The following RADIL variants were observed in gnomAD, a reference collection of about 807,000 sequenced individuals.
The protein encoded by RADIL is Rap associating with DIL domain, also known as ras-associating and dilute domain-containing protein.
RADIL carries 99 observed loss-of-function variants against 97.6 expected under a neutral mutation model. That is an observed-to-expected ratio of 1.01 (90% confidence interval 0.86 to 1.20). RADIL has a LOEUF of 1.20. RADIL is among the 50% of genes most tolerant of loss of function. The probability of loss-of-function intolerance (pLI) is 0.00; values close to 1 mark genes in which losing one functional copy is unlikely to be tolerated. For missense variants in RADIL, 1,765 were observed against 1,498.9 expected (o/e 1.18, Z -2.93); for synonymous variants, 803 against 691.8 (o/e 1.16, Z -2.52).
intron 14 of RADIL, 32 bp downstream of exon 14, chr7:4,799,598 G>A: frequency 1.9e-6 from 3 of 1,605,832 alleles, no homozygotes; most frequent in Non-Finnish European, 2.6e-6. Flanking sequence ...GCATCTGGGA[G>A]AAGGGGCCGG....
In RADIL at chr7:4,840,408, C is replaced by G. The variant is rs942151408; in HGVS notation, c.536-3803G>C. ...GCCGAGGCACGTGGAGAGCATCCCT[C>G]GTGATGCTGACCCCAGCCACCTTCA... is the stretch of plus-strand genomic sequence containing the variant. On this transcript the variant is annotated intron_variant, in intron 2 of 14. Transcript: ENST00000399583. This position sits in a 1 kb window ranked among gnomAD's most constrained non-coding sequence, Gnocchi z 5.6. 6.6e-6 allele frequency among the ~76,000 whole-genome samples: 1 copy of G among 152,116 alleles called. No individual in the cohort carries two copies. Among genetic ancestry groups the G allele is most frequent in the African/African-American group, 2.4e-5 (1 of 41,448 alleles).
At position 4,878,856 on chromosome 7, in the gene RADIL, G is replaced by A. The variant is rs1027627007; in HGVS notation, c.-64-653C>T. 2.6e-5 allele frequency among the ~76,000 whole-genome samples: 4 copies of A among 152,254 alleles called. No individual in the cohort carries two copies. The highest frequency in any genetic ancestry group is 7.2e-5 in the African/African-American group (3 of 41,472). On this transcript the variant is annotated intron_variant, in intron 1 of 14. Coordinates refer to ENST00000399583, the MANE Select transcript of RADIL (RefSeq NM_018059.5). The surrounding 1 kb of genome is among the most constrained non-coding windows in gnomAD (Gnocchi z 4.1). ...CACAGAAGAGCAGCGGGCAGCCCAA[G>A]GGCAAAGCTTCGCCTCTCCGTAAAC...
At position 4,854,644 on chromosome 7, in the gene RADIL, A is replaced by T. The variant is rs1015994219; in HGVS notation, c.536-18039T>A. 2.6e-5 allele frequency among the ~76,000 whole-genome samples: 4 copies of T among 152,168 alleles called. No homozygotes were observed. The highest frequency in any genetic ancestry group is 9.7e-5 in the African/African-American group (4 of 41,432). ...GGGAGGCAAAGGTTGCAGTGAGCCG[A>T]GATGGCGCCACCGCACTCCACCCTG... On this transcript the variant is annotated intron_variant, in intron 2 of 14. Coordinates refer to ENST00000399583, the MANE Select transcript of RADIL (RefSeq NM_018059.5). The surrounding 1 kb of genome is among the most constrained non-coding windows in gnomAD (Gnocchi z 5.1).
chr7:4,854,432 G>A lies in RADIL; in HGVS notation c.536-17827C>T, dbSNP rs536614641. Among the ~76,000 whole-genome samples the A allele has an allele frequency of 5.3e-5, 8 of 152,288 alleles. No homozygotes were observed. The highest frequency in any genetic ancestry group is 2.1e-4 in the South Asian group (1 of 4,826). ...CTTTGGGCCGGGCGCGGTGGCTCAC[G>A]CCTGTAATCCCAGCACGTTGGGAGG... On this transcript the variant is annotated intron_variant, in intron 2 of 14. Transcript: ENST00000399583. This position sits in a 1 kb window ranked among gnomAD's most constrained non-coding sequence, Gnocchi z 5.1.
intron 2 of RADIL, among the ~76,000 whole-genome samples, chr7:4,866,724 C>T (rs1784139242): frequency 6.6e-6 from 1 of 152,164 alleles, no homozygotes; most frequent in Non-Finnish European, 1.5e-5. Context: ...GTGAGGAGAG[C>T]AGCACAGTCA....
At chr7:4,882,054 T>C (rs1237980007) in intron 1 of RADIL, 1 of 152,108 alleles carries the variant, frequency 6.6e-6, no homozygotes, top group African/African-American at 2.4e-5. Flanking sequence ...AGAATATGAT[T>C]GACTCCTTTC....
chr7:4,828,509 G>A (rs553580083), intron 5 of RADIL, among the ~76,000 whole-genome samples: 3 of 152,226 alleles, frequency 2.0e-5, no homozygotes, highest in African/African-American at 7.2e-5. Context: ...GATTAAAGGG[G>A]GAAAATATGT....
At chr7:4,877,511 G>T in intron 2 of RADIL, 94 bp downstream of exon 2, 1 of 1,388,830 alleles carries the variant, frequency 7.2e-7, no homozygotes, top group Non-Finnish European at 9.7e-7. Context: ...CCCGCCCCAC[G>T]CATGTCCCCT....
chr7:4,825,132 T>C (rs1333247730), intron 5 of RADIL, among the ~76,000 whole-genome samples: 1 of 150,830 alleles, frequency 6.6e-6, no homozygotes, highest in Non-Finnish European at 1.5e-5. Context: ...GGAAGGGCAC[T>C]CGGGGGGGGA....
chr7:4,855,429 T>C (rs1179136109), intron 2 of RADIL, among the ~76,000 whole-genome samples: 1 of 152,028 alleles, frequency 6.6e-6, no homozygotes, highest in Admixed American at 6.6e-5. Context: ...TCCCACAGCA[T>C]GAGGGTGAAG....
At chr7:4,806,820 G>C (rs763908814) in intron 9 of RADIL, among the ~76,000 whole-genome samples, 1 of 152,184 alleles carries the variant, frequency 6.6e-6, no homozygotes, top group African/African-American at 2.4e-5. Flanking sequence ...GTCACCCTTC[G>C]GATTCTGCAG....
intron 2 of RADIL, among the ~76,000 whole-genome samples, chr7:4,864,396 T>C (rs1006702880): frequency 6.6e-6 from 1 of 152,258 alleles, no homozygotes; most frequent in South Asian, 2.1e-4. Flanking sequence ...ATTCACTGCC[T>C]GGTTAATCTG....
rs753856186 is a variant in RADIL, at chr7:4,800,326, G to A, written c.2843-16C>T. The A allele has an allele frequency of 7.8e-5, 112 of 1,434,040 alleles. No individual in the cohort carries two copies. Among genetic ancestry groups the A allele is most frequent in the Non-Finnish European group, 9.9e-5 (108 of 1,093,360 alleles). The allele number at this position is 1,434,040 out of a possible 1,614,324, so 88.8% of individuals were successfully genotyped here. The stretch of plus-strand genomic sequence containing the variant: ...GCAGAGTCTCCTGGGTGGGGGCCAG[G>A]AAAGGTGGGTGGGAGTGAGGCGCCA... On this transcript the variant is annotated splice_polypyrimidine_tract_variant and intron_variant, in intron 12 of 14. Transcript: ENST00000399583.
At chr7:4,857,858 G>C (rs1233023324) in intron 2 of RADIL, 4 of 152,412 alleles carry the variant, frequency 2.6e-5, no homozygotes, top group African/African-American at 7.2e-5. Flanking sequence ...CACTCACTAG[G>C]TACATCACAT....
intron 12 of RADIL, 37 bp from the exon 13 acceptor site, chr7:4,800,347 C>G: frequency 4.2e-6 from 6 of 1,414,784 alleles, no homozygotes; most frequent in Non-Finnish European, 4.6e-6. Flanking sequence ...GGGAGTGAGG[C>G]GCCAGGAATC....
Position 4,805,694 on chromosome 7 carries a change from G to A in RADIL, c.2162C>T (p.Ala721Val). 1.2e-6 allele frequency: 2 copies of A among 1,610,712 alleles called. No homozygotes were observed. The highest frequency in any genetic ancestry group is 1.3e-5 in the African/African-American group (1 of 75,044). ...LIQMSWTALRAAFPALSPAQL... is the reference protein window; with the variant it reads ...LIQMSWTALRVAFPALSPAQL... ...TGCTGGGCTCAGTGCGGGGAACGCA[G>A]CCCGCAGGGCTGTCCAGCTCATCTG... The change falls in exon 10 of 15, where the codon GCT (alanine) becomes GTT (valine). Residue 721 changes from alanine to valine, a missense_variant. Transcript: ENST00000399583.
chr7:4,843,696 G>A (rs1562447135), intron 2 of RADIL, among the ~76,000 whole-genome samples: 1 of 152,154 alleles, frequency 6.6e-6, no homozygotes, highest in Non-Finnish European at 1.5e-5. Context: ...TGGATCACCT[G>A]AGGTCAGGAG....
chr7:4,807,185 G>A (rs549240147), intron 9 of RADIL, among the ~76,000 whole-genome samples: 1 of 152,132 alleles, frequency 6.6e-6, no homozygotes, highest in South Asian at 2.1e-4. Flanking sequence ...CCCATATCCA[G>A]GGGCCTGGGC....
In RADIL at chr7:4,855,775, T is replaced by C. The variant is rs146700560; in HGVS notation, c.536-19170A>G. 4.1e-3 allele frequency among the ~76,000 whole-genome samples: 621 copies of C among 152,158 alleles called. 4 individuals are homozygous for C. The highest frequency in any genetic ancestry group is 0.014 in the African/African-American group (572 of 41,514). ...TTATGCGCTTCTTTGGCCCATTTTT[T>C]AAACTGGGTTGTTGGGGATTTTATT... is the stretch of plus-strand genomic sequence containing the variant. On this transcript the variant is annotated intron_variant, in intron 2 of 14. Coordinates refer to ENST00000399583, the MANE Select transcript of RADIL (RefSeq NM_018059.5).
Sources: allele counts gnomAD v4.1 joint callset (sites outside exome capture counted in the v4.1 genomes callset), GRCh38; gene constraint gnomAD v4.1.1; non-coding constraint Gnocchi (gnomAD v3.1); transcripts MANE v1.5; gene names NCBI Gene and HGNC (gene_info 2026-07-23, HGNC 2026-07-21).